Variants in RPL5 observed in about 807,000 individuals in gnomAD.
RPL5 encodes the protein ribosomal protein L5, also known as large ribosomal subunit protein uL18.
A neutral mutation model predicts 38.4 loss-of-function variants in RPL5; 1 was observed. That is an observed-to-expected ratio of 0.03 (90% CI 0.01 to 0.12). RPL5 has a LOEUF of 0.12. Among genes scored for constraint, RPL5 ranks in the 10% least tolerant of loss-of-function variants. The pLI is 1.00. For synonymous variants in RPL5, 109 were observed against 121.2 expected (o/e 0.90, Z 0.66); for missense variants, 243 against 374.1 (o/e 0.65, Z 2.89).
At chr1:92,832,820 T>A (rs1686962034) in intron 1 of RPL5, 4 of 587,082 alleles carry the variant, frequency 6.8e-6, no homozygotes, top group Non-Finnish European at 1.2e-5. Context: ...GGGGAATTAC[T>A]GCTGAATGTG....
Position 92,833,650 on chromosome 1 carries a change from T to C in RPL5, c.179T>C (p.Ile60Thr). ...ATAGTTCGTGTGACAAACAGAGATA[T>C]CATTTGTCAGGTAAGTTGTATTCTA... ...RMIVRVTNRD[I>T]ICQIAYARIE... Residue 60 changes from isoleucine (I) to threonine (T), a missense_variant, in exon 3 of 8, where the codon ATC becomes ACC. Transcript: ENST00000370321. 6 of 1,610,344 alleles carry C rather than the reference T, an allele frequency of 3.7e-6. No individual in the cohort carries two copies. The highest frequency in any genetic ancestry group is 4.2e-6 in the Non-Finnish European group (5 of 1,178,412).
intron 1 of RPL5, 75 bp downstream of exon 1, chr1:92,832,192 C>G (rs560167530): frequency 3.1e-6 from 5 of 1,600,120 alleles, no homozygotes; most frequent in Non-Finnish European, 4.3e-6. Flanking sequence ...CAGCCTAGGG[C>G]CCGTCTCGCG....
chr1:92,833,438 T>C lies in RPL5; in HGVS notation c.53T>C (p.Val18Ala). The change falls in exon 2 of 8, where the codon GTG becomes GCG. Residue 18 changes from valine (V) to alanine (A), a missense_variant. Transcript: ENST00000370321. ...AAGGCCTACTTTAAGAGATACCAAGTGAAATTTAGAAGACGACGAGGTACT... is the reference window on the plus strand; with the variant it reads ...AAGGCCTACTTTAAGAGATACCAAGCGAAATTTAGAAGACGACGAGGTACT... ...KNKAYFKRYQ[V>A]KFRRRREGKT... is the part of the protein sequence containing the mutation. 6.2e-6 allele frequency: 10 copies of C among 1,614,090 alleles called. No homozygotes were observed. Among genetic ancestry groups the C allele is most frequent in the Non-Finnish European group, 8.5e-6 (10 of 1,179,950 alleles).
rs191909916 is a variant in RPL5, at chr1:92,832,159, G to T, written c.3+42G>T. The T allele has an allele frequency of 1.2e-4, 197 of 1,613,508 alleles. No homozygotes were observed. In the African/African-American group the frequency reaches 2.2e-3, roughly 18 times the overall value. On this transcript the variant is annotated intron_variant, in intron 1 of 7. Transcript: ENST00000370321. ...GTCTCGGGGCTTTAGATGCATGGAGGTTCCCTTTTCTTGCCCGTATGCCAG... is the reference window on the plus strand; with the variant it reads ...GTCTCGGGGCTTTAGATGCATGGAGTTTCCCTTTTCTTGCCCGTATGCCAG...
At chr1:92,835,381 G>A (rs775911394) in intron 4 of RPL5, 15 of 222,762 alleles carry the variant, frequency 6.7e-5, no homozygotes, top group South Asian at 1.3e-4. Context: ...GGCTAGGCGC[G>A]GTGGCTCACA....
chr1:92,835,203 G>A, intron 4 of RPL5: 1 of 480,900 alleles, frequency 2.1e-6, no homozygotes, highest in Non-Finnish European at 3.8e-6. Flanking sequence ...TGTAGCTAGT[G>A]TCTACTTAAT....
chr1:92,833,733 G>A, intron 3 of RPL5, 73 bp downstream of exon 3: 1 of 1,224,820 alleles, frequency 8.2e-7, no homozygotes, highest in Non-Finnish European at 1.2e-6. Context: ...AGCACATGGT[G>A]TGTGTGTTAG....
At chr1:92,833,139 G>T in intron 1 of RPL5, 1 of 669,518 alleles carries the variant, frequency 1.5e-6, no homozygotes, top group Non-Finnish European at 2.7e-6. Context: ...CCTGCATTTT[G>T]TATGTTTCTT....
chr1:92,834,213 T>C (rs1687028944), intron 3 of RPL5, among the ~76,000 whole-genome samples: 1 of 152,254 alleles, frequency 6.6e-6, no homozygotes, highest in Non-Finnish European at 1.5e-5. Context: ...TATATGCCAC[T>C]TAACCACTGA....
chr1:92,838,437 T>C (rs1054338148), intron 6 of RPL5, among the ~76,000 whole-genome samples: 1 of 152,274 alleles, frequency 6.6e-6, no homozygotes, highest in African/African-American at 2.4e-5. Context: ...TCCTAACCTA[T>C]ATCTTTATGT....
At chr1:92,841,660 A>G in intron 7 of RPL5, 106 bp from the exon 8 acceptor site, 1 of 662,104 alleles carries the variant, frequency 1.5e-6, no homozygotes, top group Non-Finnish European at 2.3e-6. Context: ...CTGATTGCAA[A>G]GTCTTAAATA....
At chr1:92,841,031 C>CA (rs749524291) in intron 7 of RPL5, among the ~76,000 whole-genome samples, 1 of 152,224 alleles carries the variant, frequency 6.6e-6, no homozygotes, top group Non-Finnish European at 1.5e-5. Context: ...ATATTCACCT[C>CA]AAATACTTAA....
chr1:92,835,827 G>A (rs1687101980), intron 4 of RPL5, among the ~76,000 whole-genome samples: 1 of 152,148 alleles, frequency 6.6e-6, no homozygotes, highest in Non-Finnish European at 1.5e-5. Flanking sequence ...TGTTAAGCAT[G>A]TGCAGCAAGG....
At chr1:92,834,728 G>T in intron 3 of RPL5, 51 bp from the exon 4 acceptor site, 4 of 1,608,136 alleles carry the variant, frequency 2.5e-6, no homozygotes, top group Non-Finnish European at 3.4e-6. Flanking sequence ...TTAAGATGTA[G>T]TAAGACAGTG....
At chr1:92,837,310 AACTG>A (rs1443459485) in intron 5 of RPL5, 142 bp from the exon 6 acceptor site, 2 of 790,950 alleles carry the variant, frequency 2.5e-6, no homozygotes, top group Non-Finnish European at 4.7e-6. Flanking sequence ...ATATCCCACT[AACTG>A]AGCAGTCAGT....
rs758757902 is a variant in RPL5, at chr1:92,832,102, T to A, written c.-13T>A. ...CTCTGTCGAGCAGCGGACGCCGGTC[T>A]CTGTTCCGCAGGATGGTGAGTGGAT... On this transcript the variant is annotated 5_prime_UTR_variant, in exon 1 of 8. Coordinates refer to ENST00000370321, the MANE Select transcript of RPL5 (RefSeq NM_000969.5). The A allele has an allele frequency of 1.9e-6, 3 of 1,614,154 alleles. No homozygotes were observed. The highest frequency in any genetic ancestry group is 2.5e-6 in the Non-Finnish European group (3 of 1,180,010).
Position 92,834,773 on chromosome 1 carries a change from C to T in RPL5, c.190-6C>T, listed in dbSNP as rs761659540. ...GATTACTAACCTAGTTTCTCTCTTA[C>T]TATAGATTGCTTATGCCCGTATAGA... On this transcript the variant is annotated splice_region_variant and splice_polypyrimidine_tract_variant and intron_variant, in intron 3 of 7. Coordinates refer to ENST00000370321, the MANE Select transcript of RPL5 (RefSeq NM_000969.5). 6.2e-7 allele frequency: 1 copy of T among 1,612,694 alleles called. No individual in the cohort carries two copies. Among genetic ancestry groups the T allele is most frequent in the Non-Finnish European group, 8.5e-7 (1 of 1,179,868 alleles).
At chr1:92,838,039 G>A (rs1285158082) in intron 6 of RPL5, among the ~76,000 whole-genome samples, 2 of 152,210 alleles carry the variant, frequency 1.3e-5, no homozygotes, top group African/African-American at 2.4e-5. Flanking sequence ...CTGGGTCTGC[G>A]TGATGTTGTA....
chr1:92,832,076 T>A lies in RPL5; in HGVS notation c.-39T>A. 6.2e-7 allele frequency: 1 copy of A among 1,613,722 alleles called. No individual in the cohort carries two copies. Among genetic ancestry groups the A allele is most frequent in the Non-Finnish European group, 8.5e-7 (1 of 1,179,852 alleles). On this transcript the variant is annotated 5_prime_UTR_variant, in exon 1 of 8. Transcript: ENST00000370321. ...CCCCTAGCGCCGCTGGGCCTGCAGG[T>A]CTCTGTCGAGCAGCGGACGCCGGTC...
Sources: allele counts gnomAD v4.1 joint callset (sites outside exome capture counted in the v4.1 genomes callset), GRCh38; gene constraint gnomAD v4.1.1; transcripts MANE v1.5; gene names NCBI Gene and HGNC (gene_info 2026-07-23, HGNC 2026-07-21).